The following RFX3 variants were observed in gnomAD, a reference collection of about 807,000 sequenced individuals.
The protein encoded by RFX3 is regulatory factor X3, also known as transcription factor RFX3.
In RFX3, 14 loss-of-function variants were observed where a neutral mutation model predicts 98.6. The observed-to-expected ratio is 0.14, with a 90% CI of 0.09 to 0.22. The LOEUF is 0.22. RFX3 is among the 10% of genes least tolerant of loss of function. The pLI is 1.00. For missense variants in RFX3, 639 were observed against 926.9 expected (o/e 0.69, Z 4.03); for synonymous variants, 383 against 328.4 (o/e 1.17, Z -1.80).
In RFX3 at chr9:3,287,984, T is replaced by C. The variant is rs180782851; in HGVS notation, c.851+147A>G. On this transcript the variant is annotated intron_variant, in intron 7 of 16. Coordinates refer to ENST00000617270, the MANE Select transcript of RFX3 (RefSeq NM_001282116.2). ...AAAACAGGCGAGATCACTGAAATTCTAAATCATATTTAAGAACTATCTGTA... is the reference window on the plus strand; with the variant it reads ...AAAACAGGCGAGATCACTGAAATTCCAAATCATATTTAAGAACTATCTGTA... 3.4e-4 allele frequency: 277 copies of C among 810,056 alleles called. 3 individuals carry two copies. In the Admixed American group the frequency reaches 6.8e-3, roughly 20 times the overall value. The allele number at this position is 810,056 out of a possible 1,614,324, so 50.2% of individuals were successfully genotyped here.
chr9:3,515,281 T>C (rs1047748393), intron 1 of RFX3, among the ~76,000 whole-genome samples: 1 of 152,188 alleles, frequency 6.6e-6, no homozygotes, highest in African/African-American at 2.4e-5. Context: ...TTATTTTCCA[T>C]CTACTAATAT....
intron 1 of RFX3, among the ~76,000 whole-genome samples, chr9:3,480,359 T>C (rs1849632318): frequency 6.6e-6 from 1 of 152,220 alleles, no homozygotes; most frequent in African/African-American, 2.4e-5. Flanking sequence ...GATTCTTACA[T>C]GATGATCCTC....
intron 2 of RFX3, among the ~76,000 whole-genome samples, chr9:3,368,437 G>T (rs1036729171): frequency 4.6e-5 from 7 of 152,062 alleles, no homozygotes; most frequent in East Asian, 1.9e-4. Flanking sequence ...GAATATTAAA[G>T]ATAATGGTTT....
intron 2 of RFX3, among the ~76,000 whole-genome samples, chr9:3,390,345 T>C (rs953965694): frequency 1.3e-5 from 2 of 152,078 alleles, no homozygotes; most frequent in Non-Finnish European, 2.9e-5. Context: ...CAGGCAGAGG[T>C]TGGAACAGTT....
At chr9:3,477,030 C>G (rs10123122) in intron 1 of RFX3, among the ~76,000 whole-genome samples, 22,397 of 151,994 alleles carry the variant, frequency 0.15, 2,789 homozygotes, top group East Asian at 0.57. Flanking sequence ...GTCACTAGCT[C>G]ATAGTTATCA....
At chr9:3,334,102 A>G (rs1832893657) in intron 3 of RFX3, among the ~76,000 whole-genome samples, 1 of 152,218 alleles carries the variant, frequency 6.6e-6, no homozygotes, top group African/African-American at 2.4e-5. Context: ...GTCAAAAAAA[A>G]AGAACATAAC....
intron 5 of RFX3, among the ~76,000 whole-genome samples, chr9:3,294,013 T>C (rs1213531563): frequency 6.6e-6 from 1 of 152,170 alleles, no homozygotes; most frequent in Non-Finnish European, 1.5e-5. Context: ...TATGTTCACA[T>C]TCTAAAGTTT....
At chr9:3,375,775 A>T (rs921773234) in intron 2 of RFX3, among the ~76,000 whole-genome samples, 1 of 152,050 alleles carries the variant, frequency 6.6e-6, no homozygotes, top group Admixed American at 6.5e-5. Context: ...CCTGGCTAAC[A>T]CGGTGAAACC....
chr9:3,356,374 G>A (rs971272698), intron 2 of RFX3, among the ~76,000 whole-genome samples: 12 of 151,894 alleles, frequency 7.9e-5, no homozygotes, highest in East Asian at 7.7e-4. Flanking sequence ...TAAAGACAAC[G>A]TAGTGTCAAT....
chr9:3,515,895 G>C (rs1281205935), intron 1 of RFX3, among the ~76,000 whole-genome samples: 1 of 152,058 alleles, frequency 6.6e-6, no homozygotes, highest in African/African-American at 2.4e-5. Flanking sequence ...TACAATCTAA[G>C]CTTTAATATA....
intron 2 of RFX3, among the ~76,000 whole-genome samples, chr9:3,365,129 G>A (rs758744813): frequency 2.2e-4 from 34 of 151,776 alleles, no homozygotes; most frequent in Admixed American, 1.7e-3. Context: ...GTGAAACCCC[G>A]TCTCTACTGA....
chr9:3,395,604 A>G lies in RFX3; in HGVS notation c.-8-8T>C. ...ATGTCTGCATGATGGTCTCTGAAAT[A>G]GATTAAAATGAAATTAAAGTTTAAA... On this transcript the variant is annotated splice_region_variant and splice_polypyrimidine_tract_variant and intron_variant, in intron 1 of 16. Transcript: ENST00000617270. The G allele has an allele frequency of 6.2e-7, 1 of 1,611,642 alleles. No homozygotes were observed. Among genetic ancestry groups the G allele is most frequent in the Non-Finnish European group, 8.5e-7 (1 of 1,178,108 alleles).
chr9:3,465,343 T>A (rs767206103), intron 1 of RFX3, among the ~76,000 whole-genome samples: 43 of 152,088 alleles, frequency 2.8e-4, no homozygotes, highest in Non-Finnish European at 5.3e-4. Flanking sequence ...CAGGCTGGAA[T>A]GCAGTAGCAT....
chr9:3,275,783 T>G (rs994212378), intron 8 of RFX3, among the ~76,000 whole-genome samples, 171 bp from the exon 9 acceptor site: 1 of 152,060 alleles, frequency 6.6e-6, no homozygotes, highest in African/African-American at 2.4e-5. Context: ...AGCAACATCA[T>G]CAGCACAAAA....
intron 4 of RFX3, among the ~76,000 whole-genome samples, chr9:3,327,735 G>C (rs1832088970): frequency 6.6e-6 from 1 of 151,858 alleles, no homozygotes; most frequent in African/African-American, 2.4e-5. Flanking sequence ...TTTTGTAACA[G>C]TTTTCAACTA....
At chr9:3,366,682 C>CTTCT (rs1364169617) in intron 2 of RFX3, among the ~76,000 whole-genome samples, 23 of 70,034 alleles carry the variant, frequency 3.3e-4, no homozygotes, top group African/African-American at 1.2e-3. Context: ...CTCTTTCTTT[C>CTTCT]TTCTTTCTTT....
chr9:3,334,308 C>A (rs901476147), intron 3 of RFX3, among the ~76,000 whole-genome samples: 32 of 148,860 alleles, frequency 2.1e-4, no homozygotes, highest in Middle Eastern at 3.5e-3. Context: ...GTAAAGAAGC[C>A]ATGGAAAAGG....
chr9:3,348,528 A>G (rs544536165), intron 2 of RFX3, among the ~76,000 whole-genome samples: 45 of 151,660 alleles, frequency 3.0e-4, no homozygotes, highest in Middle Eastern at 6.9e-3. Context: ...TTCTTTCTTC[A>G]TTTATTAGCA....
chr9:3,392,440 A>T (rs1007394275), intron 2 of RFX3, among the ~76,000 whole-genome samples: 9 of 151,932 alleles, frequency 5.9e-5, no homozygotes, highest in Admixed American at 5.2e-4. Context: ...AATTCCTGAA[A>T]ATTAAAAAAA....
Sources: gnomAD v4.1 joint callset for allele counts (sites outside exome capture counted in the v4.1 genomes callset) on GRCh38, gnomAD v4.1.1 for gene constraint, MANE v1.5 for transcripts, NCBI Gene and HGNC (gene_info 2026-07-23, HGNC 2026-07-21) for gene names.